Variants in CDK8 observed in about 807,000 individuals in gnomAD.
The protein encoded by CDK8 is cyclin dependent kinase 8, also known as cyclin-dependent kinase 8.
Under a neutral mutation model 71.5 loss-of-function variants are expected in CDK8, and 29 were observed. That is an observed-to-expected ratio of 0.41 (90% CI 0.30 to 0.55). The LOEUF (loss-of-function observed/expected upper bound fraction) is 0.55. CDK8 is among the 20% of genes least tolerant of loss of function. CDK8 has a pLI of 0.37. For synonymous variants in CDK8, 161 were observed against 192.1 expected, an observed-to-expected ratio of 0.84 and a Z score of 1.34; for missense variants, 288 against 572.6, an observed-to-expected ratio of 0.50 and a Z score of 5.07.
At chr13:26,311,262 C>T (rs1212589172) in intron 1 of CDK8, among the ~76,000 whole-genome samples, 1 of 152,104 alleles carries the variant, frequency 6.6e-6, no homozygotes, top group Admixed American at 6.6e-5. Context: ...TGTAAAAGAT[C>T]TCACATTTTC....
In CDK8 at chr13:26,401,236, A is replaced by T. The variant is rs373251499; in HGVS notation, c.1032-33A>T. ...AAGCATTTGGAATATTGATTAGTAT[A>T]CCAGAAATGGTTTTTCTTTTTCTTA... On this transcript the variant is annotated intron_variant, in intron 10 of 12. Transcript: ENST00000381527. This position sits in a 1 kb window ranked among gnomAD's most constrained non-coding sequence, Gnocchi z 4.5. 7 of 1,506,240 alleles carry T rather than the reference A, an allele frequency of 4.6e-6. No individual in the cohort carries two copies. In the South Asian group the frequency reaches 7.9e-5, roughly 17 times the overall value. 93.3% of individuals were successfully genotyped at this position (1,506,240 alleles called of 1,614,324 possible).
rs1275398365 is a variant in CDK8, at chr13:26,401,656, G to A, written c.1269+32G>A. 1.2e-6 allele frequency: 2 copies of A among 1,608,212 alleles called. No homozygotes were observed. Among genetic ancestry groups the A allele is most frequent in the South Asian group, 1.1e-5 (1 of 90,976 alleles). On this transcript the variant is annotated intron_variant, in intron 12 of 12. Transcript: ENST00000381527. This position sits in a 1 kb window ranked among gnomAD's most constrained non-coding sequence, Gnocchi z 4.5. Reference sequence around the variant, plus strand: ...CAAGTTTATTTTGTATTGACTGCATGTCAGTGTTTACATATGGGTTTATGA... The same window carrying A: ...CAAGTTTATTTTGTATTGACTGCATATCAGTGTTTACATATGGGTTTATGA...
At chr13:26,342,193 G>A (rs1208990728) in intron 2 of CDK8, among the ~76,000 whole-genome samples, 2 of 152,320 alleles carry the variant, frequency 1.3e-5, no homozygotes, top group East Asian at 1.9e-4. Context: ...GATTACAGGC[G>A]GCAGCCACCG....
rs182536040 is a variant in CDK8 at position 26,404,109 on chromosome 13, G to A, written c.*28G>A. ...TGCATCGGAATCTTGTCCATGCACT[G>A]TTGCGAATGCTGCAGGGCTGACTGT... On this transcript the variant is annotated 3_prime_UTR_variant, in exon 13 of 13. Coordinates refer to ENST00000381527, the MANE Select transcript of CDK8 (RefSeq NM_001260.3). The A allele has an allele frequency of 8.1e-5, 131 of 1,612,342 alleles. 1 individual carries two copies. The East Asian group carries it at 2.9e-3, about 35-fold the overall frequency.
chr13:26,401,678 A>T lies in CDK8; in HGVS notation c.1269+54A>T. Reference sequence around the variant, plus strand: ...CATGTCAGTGTTTACATATGGGTTTATGATCGTGGGAAAATGTGATTTAAT... The same window carrying T: ...CATGTCAGTGTTTACATATGGGTTTTTGATCGTGGGAAAATGTGATTTAAT... On this transcript the variant is annotated intron_variant, in intron 12 of 12. Coordinates refer to ENST00000381527, the MANE Select transcript of CDK8 (RefSeq NM_001260.3). The surrounding 1 kb of genome is among the most constrained non-coding windows in gnomAD (Gnocchi z 4.5). 6.4e-7 allele frequency: 1 copy of T among 1,557,618 alleles called. No homozygotes were observed. Among genetic ancestry groups the T allele is most frequent in the Admixed American group, 1.7e-5 (1 of 59,578 alleles).
At position 26,401,270 on chromosome 13, in the gene CDK8, G is replaced by A. The variant is rs981705610; in HGVS notation, c.1033G>A (p.Val345Ile). The part of the protein sequence containing the change: ...FLEDPLPTSD[V>I]FAGCQIPYPK... ...GGTTTTTCTTTTTCTTATGATCAGC[G>A]TTTTTGCCGGTTGTCAAATCCCTTA... Residue 345 changes from valine (V) to isoleucine (I), a missense_variant and splice_region_variant, in exon 11 of 13, where the codon GTT becomes ATT. Physicochemically the swap from Val to Ile is conservative, Grantham distance 29 (BLOSUM62 3). Coordinates refer to ENST00000381527, the MANE Select transcript of CDK8 (RefSeq NM_001260.3). This position sits in a 1 kb window ranked among gnomAD's most constrained non-coding sequence, Gnocchi z 4.5. The A allele has an allele frequency of 1.1e-5, 18 of 1,613,042 alleles. No individual in the cohort carries two copies. Among genetic ancestry groups the A allele is most frequent in the Non-Finnish European group, 1.4e-5 (17 of 1,179,230 alleles).
intron 1 of CDK8, among the ~76,000 whole-genome samples, chr13:26,319,288 T>C (rs916437691): frequency 1.3e-5 from 2 of 151,974 alleles, no homozygotes; most frequent in Admixed American, 1.3e-4. Context: ...GCCAACATAG[T>C]GAAACCCTGT....
At position 26,393,437 on chromosome 13, in the gene CDK8, G is replaced by A. The variant is rs2138063394; in HGVS notation, c.717G>A (p.Glu239=). The part of the protein sequence containing the change: ...TSEPIFHCRQ[E]DIKTSNPYHH... ...AACCAATATTTCACTGTCGACAAGA[G>A]GACATCAAAACTAGTAATCCTTATC... The change falls in exon 7 of 13, where the codon GAG becomes GAA. Residue 239 remains glutamate, a synonymous_variant. Coordinates refer to ENST00000381527, the MANE Select transcript of CDK8 (RefSeq NM_001260.3). 1 of 1,611,854 alleles carries A rather than the reference G, an allele frequency of 6.2e-7. No homozygotes were observed. The highest frequency in any genetic ancestry group is 8.5e-7 in the Non-Finnish European group (1 of 1,178,432).
chr13:26,254,553 C>G lies in CDK8; in HGVS notation c.-89C>G, dbSNP rs1450050718. On this transcript the variant is annotated 5_prime_UTR_variant, in exon 1 of 13. Coordinates refer to ENST00000381527, the MANE Select transcript of CDK8 (RefSeq NM_001260.3). The surrounding 1 kb of genome is among the most constrained non-coding windows in gnomAD (Gnocchi z 6.7). ...CGGCGGGCGTAGAGCGGGCGGGTTCCCGGGGGCTGCGGCTGCCCGTGCTTC... is the reference window on the plus strand; with the variant it reads ...CGGCGGGCGTAGAGCGGGCGGGTTCGCGGGGGCTGCGGCTGCCCGTGCTTC... 1.4e-5 allele frequency: 17 copies of G among 1,223,476 alleles called. No homozygotes were observed. The highest frequency in any genetic ancestry group is 1.5e-5 in the Non-Finnish European group (13 of 888,100). 75.8% of individuals were successfully genotyped at this position (1,223,476 alleles called of 1,614,324 possible).
intron 4 of CDK8, among the ~76,000 whole-genome samples, chr13:26,378,976 A>G (rs1875086722): frequency 6.6e-6 from 1 of 152,246 alleles, no homozygotes; most frequent in African/African-American, 2.4e-5. Context: ...CTGATTAAAC[A>G]ACAAAACAGA....
Position 26,385,892 on chromosome 13 carries a change from A to G in CDK8, c.646+550A>G, listed in dbSNP as rs114202432. ...AATCTTTGTAATTAAATGGGATCATATTATGCATTCTATTTAAAATTTTAT... is the reference window on the plus strand; with the variant it reads ...AATCTTTGTAATTAAATGGGATCATGTTATGCATTCTATTTAAAATTTTAT... On this transcript the variant is annotated intron_variant, in intron 6 of 12. Coordinates refer to ENST00000381527, the MANE Select transcript of CDK8 (RefSeq NM_001260.3). Among the ~76,000 whole-genome samples the G allele has an allele frequency of 6.6e-3, 1,004 of 152,264 alleles. 10 individuals are homozygous for G. Among genetic ancestry groups the G allele is most frequent in the African/African-American group, 0.021 (869 of 41,570 alleles).
At chr13:26,255,159 TGTCATCCATCG>T (rs962960204) in intron 1 of CDK8, among the ~76,000 whole-genome samples, 6 of 151,944 alleles carry the variant, frequency 3.9e-5, no homozygotes, top group African/African-American at 1.4e-4. Context: ...GCCTCTGGAG[TGTCATCCATCG>T]GTCTAGAAGG....
intron 1 of CDK8, among the ~76,000 whole-genome samples, chr13:26,307,352 A>G (rs1345771913): frequency 6.6e-6 from 1 of 152,208 alleles, no homozygotes; most frequent in Non-Finnish European, 1.5e-5. Flanking sequence ...AGAAGGAGGT[A>G]TGACAACAGA....
Position 26,397,026 on chromosome 13 carries a change from G to A in CDK8, c.861-127G>A, listed in dbSNP as rs568493142. On this transcript the variant is annotated intron_variant, in intron 8 of 12. Coordinates refer to ENST00000381527, the MANE Select transcript of CDK8 (RefSeq NM_001260.3). ...ACTGATTTAATTCTACTCATTTTATGCTCATAGTGTTTTCAATATATATTT... is the reference window on the plus strand; with the variant it reads ...ACTGATTTAATTCTACTCATTTTATACTCATAGTGTTTTCAATATATATTT... 36 of 632,176 alleles carry A rather than the reference G, an allele frequency of 5.7e-5. No homozygotes were observed. The South Asian group carries it at 6.3e-4, about 11-fold the overall frequency. 39.2% of individuals were successfully genotyped at this position (632,176 alleles called of 1,614,324 possible). A position where few individuals can be genotyped will look rare whatever the true frequency, so the allele number is the denominator to read the frequency against.
At chr13:26,277,980 C>T (rs1872617184) in intron 1 of CDK8, among the ~76,000 whole-genome samples, 1 of 152,016 alleles carries the variant, frequency 6.6e-6, no homozygotes, top group South Asian at 2.1e-4. Context: ...GAACTGTGAC[C>T]AATGACTTTG....
intron 1 of CDK8, among the ~76,000 whole-genome samples, chr13:26,280,663 T>A (rs1284938040): frequency 6.6e-6 from 1 of 152,276 alleles, no homozygotes; most frequent in Non-Finnish European, 1.5e-5. Context: ...TTTTCTACTG[T>A]GTTGTCTACC....
At chr13:26,279,969 G>GTC (rs1872680465) in intron 1 of CDK8, among the ~76,000 whole-genome samples, 1 of 148,756 alleles carries the variant, frequency 6.7e-6, no homozygotes, top group African/African-American at 2.5e-5. Flanking sequence ...GAAGAAAATT[G>GTC]TGTGTGTGTG....
intron 6 of CDK8, among the ~76,000 whole-genome samples, chr13:26,392,569 G>A (rs373338346): frequency 2.0e-5 from 3 of 151,876 alleles, no homozygotes; most frequent in Non-Finnish European, 2.9e-5. Flanking sequence ...CTCGTGATCC[G>A]TCCTCCTCAG....
At chr13:26,258,492 G>GGTGTGTGTGTGT (rs56993639) in intron 1 of CDK8, among the ~76,000 whole-genome samples, 22 of 147,524 alleles carry the variant, frequency 1.5e-4, no homozygotes, top group South Asian at 4.3e-4. Context: ...TATCTAGAGG[G>GGTGTGTGTGTGT]GTGTGTGTGT....
Sources: gnomAD v4.1 joint callset for allele counts (sites outside exome capture counted in the v4.1 genomes callset) on GRCh38, gnomAD v4.1.1 for gene constraint, Gnocchi (gnomAD v3.1) non-coding constraint, MANE v1.5 for transcripts, NCBI Gene and HGNC (gene_info 2026-07-23, HGNC 2026-07-21) for gene names.